PCSK5: variants seen among roughly 807,000 people sequenced by gnomAD.
PCSK5 encodes proprotein convertase subtilisin/kexin type 5, also known as prohormone convertase 5.
PCSK5 carries 129 observed loss-of-function variants against 233.2 expected under a neutral mutation model. That is an observed-to-expected ratio of 0.55 (90% CI 0.48 to 0.64). The LOEUF is 0.64. Among genes scored for constraint, PCSK5 ranks in the 30% least tolerant of loss-of-function variants. The probability of loss-of-function intolerance (pLI) is 0.00; values close to 1 mark genes in which losing one functional copy is unlikely to be tolerated. For missense variants in PCSK5, 2,076 were observed against 2,430.1 expected (o/e 0.85, Z 3.06); for synonymous variants, 825 against 879.2 (o/e 0.94, Z 1.09).
intron 24 of PCSK5, among the ~76,000 whole-genome samples, chr9:76,274,727 G>A (rs1245477980): frequency 6.6e-6 from 1 of 152,080 alleles, no homozygotes; most frequent in Non-Finnish European, 1.5e-5. Context: ...TTTTTTTGTT[G>A]TTTTATTTTA....
chr9:76,005,817 T>G (rs1827453253), intron 3 of PCSK5, among the ~76,000 whole-genome samples: 1 of 152,140 alleles, frequency 6.6e-6, no homozygotes, highest in Admixed American at 6.6e-5. Flanking sequence ...GGTGCCTTCT[T>G]CCCCTCACCT....
chr9:76,327,784 C>T (rs1254413731), intron 32 of PCSK5, among the ~76,000 whole-genome samples: 2 of 152,114 alleles, frequency 1.3e-5, no homozygotes, highest in Non-Finnish European at 2.9e-5. Context: ...CTGGATACAA[C>T]AGAGAAAATA....
At chr9:76,040,389 C>CTCTGTCTCTCTG (rs1563988677) in intron 5 of PCSK5, among the ~76,000 whole-genome samples, 1 of 120,296 alleles carries the variant, frequency 8.3e-6, no homozygotes, top group African/African-American at 3.2e-5. Flanking sequence ...CTCTCTGTCT[C>CTCTGTCTCTCTG]TCTCTCTCTC....
chr9:76,217,543 C>G (rs1480626004), intron 20 of PCSK5, among the ~76,000 whole-genome samples: 4 of 152,228 alleles, frequency 2.6e-5, no homozygotes. Flanking sequence ...GGTTATGGAA[C>G]TTGCCCAAGG....
chr9:75,935,384 G>T (rs181869758), intron 2 of PCSK5, among the ~76,000 whole-genome samples: 3 of 152,236 alleles, frequency 2.0e-5, no homozygotes, highest in South Asian at 2.1e-4. Context: ...ACATGTATAC[G>T]TATGTAAGGT....
At position 76,358,633 on chromosome 9, in the gene PCSK5, A is replaced by G; in HGVS notation, c.5375A>G (p.Lys1792Arg). Residue 1792 changes from lysine (K) to arginine (R), a missense_variant, in exon 38 of 38, where the codon AAG becomes AGG. Around this residue, in one of 6 missense-constraint regions of PCSK5, gnomAD observed 1,510 missense variants for 1,538.1 expected, o/e 0.98. Coordinates refer to ENST00000674117, the MANE Select transcript of PCSK5 (RefSeq NM_001372043.1). ...LLLGAAVVVW[K>R]KSRGRVQPAA... ...CTCGGGGCAGCTGTGGTAGTGTGGA[A>G]GAAATCTCGTGGCCGAGTCCAGCCA... is the stretch of plus-strand genomic sequence containing the variant. 6.2e-7 allele frequency: 1 copy of G among 1,612,826 alleles called. No individual in the cohort carries two copies. Among genetic ancestry groups the G allele is most frequent in the Non-Finnish European group, 8.5e-7 (1 of 1,179,880 alleles).
chr9:75,977,900 C>T (rs574956941), intron 2 of PCSK5, among the ~76,000 whole-genome samples: 9 of 151,680 alleles, frequency 5.9e-5, no homozygotes, highest in East Asian at 3.9e-4. Context: ...CTTGAGCCAC[C>T]GCGCCCGGCC....
intron 21 of PCSK5, 95 bp from the exon 22 acceptor site, chr9:76,233,365 A>C (rs1587787169): frequency 1.6e-6 from 2 of 1,269,428 alleles, no homozygotes; most frequent in Admixed American, 1.9e-5. Context: ...ATGAAGTCAA[A>C]TCTGTCCAGC....
chr9:75,985,052 TA>T (rs1365923695), intron 2 of PCSK5, among the ~76,000 whole-genome samples: 1 of 152,124 alleles, frequency 6.6e-6, no homozygotes, highest in African/African-American at 2.4e-5. Flanking sequence ...AGAGGAGGGA[TA>T]AATGGTAGAA....
intron 1 of PCSK5, among the ~76,000 whole-genome samples, chr9:75,902,314 A>G (rs1187850424): frequency 4.6e-5 from 7 of 151,046 alleles, no homozygotes; most frequent in Non-Finnish European, 8.9e-5. Flanking sequence ...CTGGGAAACT[A>G]GGAGGCAAAC....
chr9:75,930,051 C>T (rs193114612), intron 1 of PCSK5, among the ~76,000 whole-genome samples: 2 of 151,900 alleles, frequency 1.3e-5, no homozygotes, highest in African/African-American at 2.4e-5. Flanking sequence ...TTAGTAGAGA[C>T]GGGGTTTCAC....
At chr9:75,916,029 G>A (rs1469336811) in intron 1 of PCSK5, among the ~76,000 whole-genome samples, 1 of 152,116 alleles carries the variant, frequency 6.6e-6, no homozygotes, top group South Asian at 2.1e-4. Context: ...TTAAGACTAA[G>A]CAAGCTGCTG....
intron 22 of PCSK5, 127 bp from the exon 23 acceptor site, chr9:76,238,832 C>A (rs963010743): frequency 3.0e-6 from 2 of 662,698 alleles, no homozygotes; most frequent in African/African-American, 1.8e-5. Context: ...CATCCTTACA[C>A]CCCTCATCCA....
At chr9:76,186,090 A>G (rs1379159021) in intron 17 of PCSK5, among the ~76,000 whole-genome samples, 1 of 152,206 alleles carries the variant, frequency 6.6e-6, no homozygotes, top group African/African-American at 2.4e-5. Flanking sequence ...AATGAGTTTA[A>G]TAAAATATTT....
At position 76,358,624 on chromosome 9, in the gene PCSK5, T is replaced by G. The variant is rs1184494486; in HGVS notation, c.5366T>G (p.Val1789Gly). Reference sequence around the variant, plus strand: ...GTGCTTCTGCTCGGGGCAGCTGTGGTAGTGTGGAAGAAATCTCGTGGCCGA... The same window carrying G: ...GTGCTTCTGCTCGGGGCAGCTGTGGGAGTGTGGAAGAAATCTCGTGGCCGA... Reference protein sequence around the residue: ...MLVLLLGAAVVVWKKSRGRVQ... With the variant: ...MLVLLLGAAVGVWKKSRGRVQ... Residue 1789 changes from valine to glycine, a missense_variant, in exon 38 of 38, where the codon GTA becomes GGA. Val to Gly is a moderately radical substitution (Grantham distance 109). Transcript: ENST00000674117. 1 of 1,612,718 alleles carries G rather than the reference T, an allele frequency of 6.2e-7. No individual in the cohort carries two copies. The highest frequency in any genetic ancestry group is 8.5e-7 in the Non-Finnish European group (1 of 1,179,864).
Position 76,169,489 on chromosome 9 carries a change from A to G in PCSK5, c.1620-215A>G, listed in dbSNP as rs534775663. Among the ~76,000 whole-genome samples the G allele has an allele frequency of 3.3e-5, 5 of 152,004 alleles. 1 individual carries two copies. In the South Asian group the frequency reaches 1.0e-3, roughly 32 times the overall value. ...CTCCCTTCCAGATTTGCTATTACAT[A>G]GCCAGCCCCAATTCTGTTTCTCTGT... is the stretch of plus-strand genomic sequence containing the variant. On this transcript the variant is annotated intron_variant, in intron 12 of 37. Coordinates refer to ENST00000674117, the MANE Select transcript of PCSK5 (RefSeq NM_001372043.1).
chr9:76,100,638 G>T (rs1047599841), intron 8 of PCSK5, among the ~76,000 whole-genome samples: 3 of 152,200 alleles, frequency 2.0e-5, no homozygotes, highest in Non-Finnish European at 2.9e-5. Context: ...CCAGTATGGG[G>T]CTATGTGAAA....
intron 24 of PCSK5, among the ~76,000 whole-genome samples, chr9:76,273,804 T>A (rs1433919336): frequency 1.3e-5 from 2 of 150,456 alleles, no homozygotes; most frequent in African/African-American, 4.9e-5. Context: ...AGCTAATTTT[T>A]AATTTTTTTT....
At chr9:76,044,703 A>G (rs1191103532) in intron 5 of PCSK5, among the ~76,000 whole-genome samples, 1 of 152,212 alleles carries the variant, frequency 6.6e-6, no homozygotes, top group Non-Finnish European at 1.5e-5. Context: ...GAGAGCTCCA[A>G]GTTAAATGAA....
Sources: allele counts gnomAD v4.1 joint callset (sites outside exome capture counted in the v4.1 genomes callset), GRCh38; gene constraint gnomAD v4.1.1; regional missense constraint gnomAD v4.1.1; transcripts MANE v1.5; gene names NCBI Gene and HGNC (gene_info 2026-07-23, HGNC 2026-07-21).